The following ATF7IP2 variants were observed in gnomAD, a reference collection of about 807,000 sequenced individuals.
ATF7IP2 encodes the protein activating transcription factor 7 interacting protein 2.
In ATF7IP2, 42 loss-of-function variants were observed where a neutral mutation model predicts 64.2. The ratio of observed to expected loss-of-function variants is 0.65; its 90% CI spans 0.51 to 0.85. The LOEUF (loss-of-function observed/expected upper bound fraction) is 0.85. ATF7IP2 is among the 40% of genes least tolerant of loss of function. The pLI is 0.00. For synonymous variants in ATF7IP2, 308 were observed against 272.8 expected, an observed-to-expected ratio of 1.13 and a Z score of -1.27; for missense variants, 933 against 784.2, an observed-to-expected ratio of 1.19 and a Z score of -2.27.
intron 8 of ATF7IP2, chr16:10,449,454 A>G (rs2048915370): frequency 6.6e-6 from 1 of 152,148 alleles, no homozygotes; most frequent in South Asian, 2.1e-4. Context: ...TTTGGTTGGT[A>G]GACTATTAAT....
chr16:10,387,863 G>A (rs1343115259), intron 1 of ATF7IP2: 1 of 97,778 alleles, frequency 1.0e-5, no homozygotes, highest in Non-Finnish European at 1.9e-5. Flanking sequence ...CACACACACT[G>A]CGGTGACTTA....
intron 1 of ATF7IP2, chr16:10,386,674 C>G (rs546365615): frequency 2.6e-5 from 4 of 152,244 alleles, no homozygotes; most frequent in South Asian, 2.1e-4. Context: ...GAGTAAAATG[C>G]TGAAATCCCG....
chr16:10,416,914 T>A (rs1368539728), intron 2 of ATF7IP2, among the ~76,000 whole-genome samples: 1 of 152,218 alleles, frequency 6.6e-6, no homozygotes, highest in Non-Finnish European at 1.5e-5. Flanking sequence ...AGACTATAAT[T>A]GGATTGTTTG....
At chr16:10,386,200 C>T (rs1294892644) in intron 1 of ATF7IP2, 78 bp downstream of exon 1, 2 of 152,254 alleles carry the variant, frequency 1.3e-5, no homozygotes, top group Non-Finnish European at 2.9e-5. Flanking sequence ...GGTCGCCTCT[C>T]TGAGGGCCGG....
chr16:10,468,170 G>A (rs191581390), intron 9 of ATF7IP2, among the ~76,000 whole-genome samples: 207 of 152,182 alleles, frequency 1.4e-3, no homozygotes, highest in African/African-American at 4.7e-3. Flanking sequence ...ATGAGCCACC[G>A]TGCCTGGCCC....
chr16:10,399,459 C>T (rs2047484500), intron 1 of ATF7IP2, among the ~76,000 whole-genome samples: 1 of 152,192 alleles, frequency 6.6e-6, no homozygotes, highest in Non-Finnish European at 1.5e-5. Context: ...CTTTCTGCAG[C>T]ATATATTCTT....
At chr16:10,454,352 G>T (rs1460098060) in intron 8 of ATF7IP2, 1 of 139,884 alleles carries the variant, frequency 7.1e-6, no homozygotes, top group East Asian at 2.2e-4. Context: ...GGAGGTTGCA[G>T]TGAGCCAAGA....
chr16:10,400,107 C>A (rs1464492318), intron 1 of ATF7IP2, among the ~76,000 whole-genome samples: 1 of 152,206 alleles, frequency 6.6e-6, no homozygotes, highest in Non-Finnish European at 1.5e-5. Flanking sequence ...GCGGCACAAT[C>A]TCGGCCCACT....
chr16:10,433,398 C>T (rs2048320434), intron 5 of ATF7IP2, 127 bp from the exon 6 acceptor site: 3 of 773,686 alleles, frequency 3.9e-6, no homozygotes, highest in Admixed American at 2.9e-5. Flanking sequence ...TGGTCTTGAA[C>T]TCCTGGCCTT....
At chr16:10,438,314 G>T in intron 7 of ATF7IP2, 79 bp downstream of exon 7, 1 of 1,398,214 alleles carries the variant, frequency 7.2e-7, no homozygotes, top group East Asian at 2.6e-5. Context: ...GCAGTACGGT[G>T]GCTCACTGCA....
At chr16:10,394,353 A>G (rs1333387645) in intron 1 of ATF7IP2, among the ~76,000 whole-genome samples, 5 of 152,214 alleles carry the variant, frequency 3.3e-5, no homozygotes, top group Non-Finnish European at 5.9e-5. Context: ...ATAAACATAT[A>G]TGCACCTACT....
intron 2 of ATF7IP2, among the ~76,000 whole-genome samples, chr16:10,415,542 C>T (rs1431162661): frequency 6.6e-6 from 1 of 152,154 alleles, no homozygotes; most frequent in African/African-American, 2.4e-5. Flanking sequence ...TGGGGAAACT[C>T]TCTAGGACAT....
At chr16:10,451,901 A>G (rs968893005) in intron 8 of ATF7IP2, among the ~76,000 whole-genome samples, 2 of 152,006 alleles carry the variant, frequency 1.3e-5, no homozygotes, top group African/African-American at 4.8e-5. Flanking sequence ...AAAATACAAA[A>G]AAGTAGCTGG....
chr16:10,426,830 TGTTTTTG>T (rs949266477), intron 3 of ATF7IP2, among the ~76,000 whole-genome samples: 2 of 152,010 alleles, frequency 1.3e-5, no homozygotes, highest in Admixed American at 6.6e-5. Flanking sequence ...ACAAGGAATA[TGTTTTTG>T]GTTTTTGGTT....
chr16:10,456,518 A>T (rs973484710), intron 8 of ATF7IP2, among the ~76,000 whole-genome samples: 1 of 152,070 alleles, frequency 6.6e-6, no homozygotes, highest in East Asian at 1.9e-4. Flanking sequence ...TGCAGTTTCA[A>T]TGACAGTTTA....
chr16:10,394,993 A>G (rs746695174), intron 1 of ATF7IP2, among the ~76,000 whole-genome samples: 1 of 152,112 alleles, frequency 6.6e-6, no homozygotes, highest in Non-Finnish European at 1.5e-5. Flanking sequence ...ATTAGTGTGG[A>G]AATTAATAGA....
chr16:10,473,630 T>C, intron 11 of ATF7IP2, 96 bp downstream of exon 11: 1 of 891,820 alleles, frequency 1.1e-6, no homozygotes, highest in Non-Finnish European at 1.8e-6. Context: ...TTAGTTTTAG[T>C]CCACGTTACA....
At chr16:10,471,591 G>A (rs11866110) in intron 9 of ATF7IP2, among the ~76,000 whole-genome samples, 72,349 of 151,850 alleles carry the variant, frequency 0.48, 17,997 homozygotes, top group East Asian at 0.56. Context: ...TTCTATAACC[G>A]TAATCAGCAT....
intron 8 of ATF7IP2, among the ~76,000 whole-genome samples, chr16:10,450,730 C>T (rs985536454): frequency 6.6e-6 from 1 of 152,046 alleles, no homozygotes; most frequent in Non-Finnish European, 1.5e-5. Context: ...GATGGATCTC[C>T]TGAATACAGC....
Sources: gnomAD v4.1 joint callset for allele counts (sites outside exome capture counted in the v4.1 genomes callset) on GRCh38, gnomAD v4.1.1 for gene constraint, MANE v1.5 for transcripts, NCBI Gene and HGNC (gene_info 2026-07-23, HGNC 2026-07-21) for gene names.